Variants in PCDH15 observed in about 807,000 individuals in gnomAD.
PCDH15 encodes the protein protocadherin-15.
PCDH15 carries 129 observed loss-of-function variants against 178.5 expected under a neutral mutation model. That is an observed-to-expected ratio of 0.72 (90% CI 0.63 to 0.84). The LOEUF (loss-of-function observed/expected upper bound fraction) is 0.84, where lower values mean the gene tolerates loss of function less well. PCDH15 is among the 40% of genes least tolerant of loss of function. The pLI, the probability that PCDH15 is intolerant of heterozygous loss-of-function variation, is 0.00. For missense variants in PCDH15, 2,230 were observed against 2,099.9 expected (o/e 1.06, Z -1.21); for synonymous variants, 800 against 732.0 (o/e 1.09, Z -1.50).
intron 2 of PCDH15, among the ~76,000 whole-genome samples, chr10:55,362,144 C>T (rs928525076): frequency 3.3e-5 from 5 of 151,970 alleles, no homozygotes; most frequent in Non-Finnish European, 1.5e-5. Flanking sequence ...GAAAAATAGG[C>T]TAACTTACTT....
intron 25 of PCDH15, among the ~76,000 whole-genome samples, chr10:53,918,804 T>G (rs540813413): frequency 5.9e-5 from 9 of 151,802 alleles, no homozygotes; most frequent in African/African-American, 1.9e-4. Context: ...TGTAATAGAT[T>G]ACGGCAAAAT....
intron 13 of PCDH15, among the ~76,000 whole-genome samples, chr10:54,162,913 A>T (rs552502336): frequency 3.9e-5 from 6 of 152,288 alleles, no homozygotes; most frequent in African/African-American, 1.4e-4. Context: ...GTTTCCTAGT[A>T]TGACAGAGTC....
chr10:54,354,689 T>TA (rs1387813425), intron 5 of PCDH15, among the ~76,000 whole-genome samples: 3 of 152,138 alleles, frequency 2.0e-5, no homozygotes, highest in African/African-American at 4.8e-5. Context: ...TATTTCATAT[T>TA]AAAAAATCAC....
Position 55,202,599 on chromosome 10 carries a change from G to C in PCDH15, c.-155-35948C>G, listed in dbSNP as rs189694843. 5.3e-5 allele frequency among the ~76,000 whole-genome samples: 8 copies of C among 152,188 alleles called. 1 individual carries two copies. The highest frequency in any genetic ancestry group is 1.9e-4 in the African/African-American group (8 of 41,488). On this transcript the variant is annotated intron_variant, in intron 1 of 5. Transcript: ENST00000458638. ...AAGGCAAGTTTGAAAGAGACAAATG[G>C]ACACTCTCCTTGTTTGCGTTCATTT...
intron 3 of PCDH15, among the ~76,000 whole-genome samples, chr10:54,447,867 G>A (rs943276446): frequency 2.6e-5 from 4 of 151,620 alleles, no homozygotes; most frequent in African/African-American, 9.7e-5. Flanking sequence ...TGACAAGAAA[G>A]ACTGTGAAAA....
chr10:54,336,575 C>T (rs1338205702), intron 6 of PCDH15, among the ~76,000 whole-genome samples: 2 of 152,186 alleles, frequency 1.3e-5, no homozygotes, highest in African/African-American at 4.8e-5. Flanking sequence ...GTAGCTTTCA[C>T]ATGGTGTGGA....
Position 54,952,418 on chromosome 10 carries a change from A to T in PCDH15, c.-79-54918T>A, listed in dbSNP as rs184500148. On this transcript the variant is annotated intron_variant, in intron 2 of 5. Transcript: ENST00000458638. Reference sequence around the variant, plus strand: ...CGTGATTGGTGTAGCTTTATAATACACCTTGAAGTCAGGTTGTGTTGTTTC... The same window carrying T: ...CGTGATTGGTGTAGCTTTATAATACTCCTTGAAGTCAGGTTGTGTTGTTTC... Among the ~76,000 whole-genome samples, 879 of 151,822 alleles carry T rather than the reference A, an allele frequency of 5.8e-3. 9 individuals are homozygous for T. Among genetic ancestry groups the T allele is most frequent in the Non-Finnish European group, 7.5e-3 (509 of 67,766 alleles).
chr10:55,079,552 G>T (rs1394763189), intron 2 of PCDH15, among the ~76,000 whole-genome samples: 1 of 152,136 alleles, frequency 6.6e-6, no homozygotes. Context: ...ACCATTAGGT[G>T]GTCCAGGCAG....
chr10:54,415,232 C>G (rs1365389148), intron 3 of PCDH15, among the ~76,000 whole-genome samples: 2 of 151,838 alleles, frequency 1.3e-5, no homozygotes, highest in Non-Finnish European at 2.9e-5. Context: ...TTGATAAGGT[C>G]TTTATCCACA....
intron 2 of PCDH15, among the ~76,000 whole-genome samples, chr10:55,101,994 T>G (rs1842586214): frequency 6.6e-6 from 1 of 151,956 alleles, no homozygotes; most frequent in Admixed American, 6.6e-5. Context: ...GATGAAAAGT[T>G]TGTTAGTTGC....
intron 2 of PCDH15, among the ~76,000 whole-genome samples, chr10:55,018,654 A>C (rs1840246085): frequency 6.6e-6 from 1 of 152,136 alleles, no homozygotes; most frequent in South Asian, 2.1e-4. Context: ...AAGAAGCACT[A>C]TTTGAAGAAA....
intron 25 of PCDH15, among the ~76,000 whole-genome samples, chr10:53,932,745 A>G (rs2085183905): frequency 6.6e-6 from 1 of 152,172 alleles, no homozygotes; most frequent in Admixed American, 6.5e-5. Flanking sequence ...TTACTGGAAC[A>G]TGATGGTTTT....
chr10:55,467,616 A>G (rs530276402), intron 2 of PCDH15, among the ~76,000 whole-genome samples: 14 of 152,156 alleles, frequency 9.2e-5, no homozygotes, highest in African/African-American at 2.6e-4. Flanking sequence ...TTAAACTCCA[A>G]TTGTCTCTCA....
chr10:54,362,595 T>G (rs1280461244), intron 5 of PCDH15, among the ~76,000 whole-genome samples: 1 of 152,066 alleles, frequency 6.6e-6, no homozygotes, highest in African/African-American at 2.4e-5. Context: ...AAACACAAAT[T>G]CATTAAGCTG....
intron 25 of PCDH15, among the ~76,000 whole-genome samples, chr10:53,918,376 C>G (rs887463450): frequency 6.6e-6 from 1 of 152,104 alleles, no homozygotes; most frequent in African/African-American, 2.4e-5. Flanking sequence ...TAAATTCATG[C>G]CCAGGTTTCT....
chr10:54,497,201 A>C (rs2137295286), intron 3 of PCDH15, among the ~76,000 whole-genome samples: 1 of 152,072 alleles, frequency 6.6e-6, no homozygotes, highest in African/African-American at 2.4e-5. Flanking sequence ...CTGAAAGCAT[A>C]AAGAAAGAAA....
chr10:55,172,941 G>C (rs936179604), intron 1 of PCDH15, among the ~76,000 whole-genome samples: 12 of 151,876 alleles, frequency 7.9e-5, no homozygotes, highest in Admixed American at 2.6e-4. Context: ...TAAATGCAAA[G>C]GTCTACAAAA....
In PCDH15 at chr10:54,441,911, A is replaced by C. The variant is rs1386788358; in HGVS notation, c.158-62969T>G. ...AAATAAACTTGAGATAAGAGAGCAG[A>C]GAGGAGGTTCAAGAGATGAAACCAC... On this transcript the variant is annotated intron_variant, in intron 3 of 37. Transcript: ENST00000644397. Among the ~76,000 whole-genome samples, 4 of 151,880 alleles carry C rather than the reference A, an allele frequency of 2.6e-5. No homozygotes were observed. The South Asian group carries it at 6.2e-4, about 24-fold the overall frequency.
chr10:54,629,704 C>T (rs958851785), intron 2 of PCDH15, among the ~76,000 whole-genome samples: 1 of 152,020 alleles, frequency 6.6e-6, no homozygotes, highest in Admixed American at 6.6e-5. Flanking sequence ...CCACTTTCAC[C>T]ATTCCTATTC....
Sources: allele counts gnomAD v4.1 joint callset (sites outside exome capture counted in the v4.1 genomes callset), GRCh38; gene constraint gnomAD v4.1.1; transcripts MANE v1.5; gene names NCBI Gene and HGNC (gene_info 2026-07-23, HGNC 2026-07-21).